FCRL5: variants seen among roughly 807,000 people sequenced by gnomAD.
FCRL5 encodes Fc receptor-like protein 5.
FCRL5 carries 79 observed loss-of-function variants against 92.1 expected under a neutral mutation model. The ratio of observed to expected loss-of-function variants is 0.86; its 90% CI spans 0.72 to 1.03. The LOEUF is 1.03. Ranked by LOEUF, FCRL5 falls within the 50% of genes least tolerant of loss-of-function variation. The pLI, the probability that FCRL5 is intolerant of heterozygous loss-of-function variation, is 0.00. For synonymous variants in FCRL5, 466 were observed against 469.3 expected (o/e 0.99, Z 0.09); for missense variants, 1,160 against 1,181.1 (o/e 0.98, Z 0.26).
intron 10 of FCRL5, 119 bp downstream of exon 10, chr1:157,524,160 G>T: frequency 9.6e-7 from 1 of 1,044,370 alleles, no homozygotes; most frequent in Non-Finnish European, 1.4e-6. Context: ...GGCAGGAAGT[G>T]TGCTGGGATG....
At chr1:157,548,191 C>A (rs1260840522) in intron 2 of FCRL5, among the ~76,000 whole-genome samples, 1 of 152,250 alleles carries the variant, frequency 6.6e-6, no homozygotes, top group African/African-American at 2.4e-5. Flanking sequence ...GCATTCACCC[C>A]TTCCCCCAGG....
chr1:157,543,761 A>G (rs1354405261), intron 5 of FCRL5, among the ~76,000 whole-genome samples: 1 of 152,222 alleles, frequency 6.6e-6, no homozygotes, highest in African/African-American at 2.4e-5. Flanking sequence ...GAGGTGATGT[A>G]ATCTGGGGTG....
intron 11 of FCRL5, 83 bp from the exon 12 acceptor site, chr1:157,520,630 G>T: frequency 9.4e-7 from 1 of 1,066,616 alleles, no homozygotes; most frequent in Non-Finnish European, 1.4e-6. Context: ...GCCTGGGCCT[G>T]ACGGTGAACC....
chr1:157,515,618 C>A lies in FCRL5; in HGVS notation c.*57G>T. Reference sequence around the variant, plus strand: ...CTTCCCACTTCAATGCTGCTTCTCCCCCAAGGGGAACTTTGGGGTGCAGAG... The same window carrying A: ...CTTCCCACTTCAATGCTGCTTCTCCACCAAGGGGAACTTTGGGGTGCAGAG... On this transcript the variant is annotated 3_prime_UTR_variant, in exon 17 of 17. Transcript: ENST00000361835. The A allele has an allele frequency of 6.2e-7, 1 of 1,613,982 alleles. No individual in the cohort carries two copies. The highest frequency in any genetic ancestry group is 8.5e-7 in the Non-Finnish European group (1 of 1,180,028).
rs184843471 is a variant in FCRL5 at position 157,545,860 on chromosome 1, G to A, written c.308-778C>T. ...CTTTTTCTAAACCATGTTAAGGTCT[G>A]CCATTTTCAGGGATGGACATCTGTG... On this transcript the variant is annotated intron_variant, in intron 3 of 16. Coordinates refer to ENST00000361835, the MANE Select transcript of FCRL5 (RefSeq NM_031281.3). Among the ~76,000 whole-genome samples the A allele has an allele frequency of 1.0e-3, 158 of 152,254 alleles. 1 individual carries two copies. Among genetic ancestry groups the A allele is most frequent in the African/African-American group, 3.8e-3 (156 of 41,546 alleles).
chr1:157,548,988 A>G (rs1162525911), intron 2 of FCRL5, among the ~76,000 whole-genome samples: 1 of 152,120 alleles, frequency 6.6e-6, no homozygotes, highest in East Asian at 1.9e-4. Flanking sequence ...ATGCACACGT[A>G]TGTTTACTGC....
At position 157,520,506 on chromosome 1, in the gene FCRL5, C is replaced by T. The variant is rs1051334871; in HGVS notation, c.2557G>A (p.Ala853Thr). Residue 853 changes from alanine to threonine, a missense_variant, in exon 12 of 17, where the codon GCC becomes ACC. Ala to Thr is a moderately conservative substitution (Grantham distance 58, BLOSUM62 0). Coordinates refer to ENST00000361835, the MANE Select transcript of FCRL5 (RefSeq NM_031281.3). Reference protein sequence around the residue: ...NRSGPFATGVAGGLLSIAGLA... With the variant: ...NRSGPFATGVTGGLLSIAGLA... ...CCTGCTATGCTGAGCAGGCCCCCGG[C>T]GACTCCTGTGGCAAAAGGGCCACTT... 4.4e-6 allele frequency: 7 copies of T among 1,576,130 alleles called. No homozygotes were observed. Among genetic ancestry groups the T allele is most frequent in the African/African-American group, 1.4e-5 (1 of 73,948 alleles).
At position 157,539,168 on chromosome 1, in the gene FCRL5, T is replaced by G; in HGVS notation, c.1320A>C (p.Ala440=). Residue 440 remains alanine, a synonymous_variant, in exon 7 of 17, where the codon GCA becomes GCC. Coordinates refer to ENST00000361835, the MANE Select transcript of FCRL5 (RefSeq NM_031281.3). The part of the protein sequence containing the change: ...GGVAISFSLT[A]EHSGNYYCTA... The stretch of plus-strand genomic sequence containing the variant: ...TGCAGTAGTAGTTCCCTGAATGCTC[T>G]GCAGTCAGAGAGAAGCTGATGGCCA... 1 of 1,614,194 alleles carries G rather than the reference T, an allele frequency of 6.2e-7. No individual in the cohort carries two copies. Among genetic ancestry groups the G allele is most frequent in the Non-Finnish European group, 8.5e-7 (1 of 1,180,014 alleles).
rs903571175 is a variant in FCRL5 at position 157,514,229 on chromosome 1, A to G, written c.*1446T>C. ...TACAATCCACTGGGAGCAAAGATCA[A>G]GATAAGATGTGATGGATATCATAAA... On this transcript the variant is annotated 3_prime_UTR_variant, in exon 17 of 17. Transcript: ENST00000361835. 9.9e-5 allele frequency: 15 copies of G among 152,248 alleles called. No individual in the cohort carries two copies. The highest frequency in any genetic ancestry group is 3.6e-4 in the African/African-American group (15 of 41,468). 9.4% of individuals were successfully genotyped at this position (152,248 alleles called of 1,614,324 possible).
intron 6 of FCRL5, among the ~76,000 whole-genome samples, chr1:157,541,209 C>A (rs749872446): frequency 1.3e-5 from 2 of 152,178 alleles, no homozygotes; most frequent in Non-Finnish European, 2.9e-5. Context: ...CGGAGTCCTT[C>A]CTTCTCAAGT....
At chr1:157,531,610 T>C (rs1056857037) in intron 8 of FCRL5, among the ~76,000 whole-genome samples, 1 of 152,160 alleles carries the variant, frequency 6.6e-6, no homozygotes, top group South Asian at 2.1e-4. Context: ...AAATGTGGAA[T>C]ATATGCACAA....
At chr1:157,519,422 G>C (rs1233974729) in intron 13 of FCRL5, among the ~76,000 whole-genome samples, 1 of 152,204 alleles carries the variant, frequency 6.6e-6, no homozygotes, top group South Asian at 2.1e-4. Flanking sequence ...CTGAGCTAAG[G>C]TCATCTCAAG....
At chr1:157,517,378 T>C (rs1649976640) in intron 15 of FCRL5, among the ~76,000 whole-genome samples, 1 of 152,222 alleles carries the variant, frequency 6.6e-6, no homozygotes, top group Non-Finnish European at 1.5e-5. Context: ...CCTGTGACTA[T>C]ATTACCCTAA....
At chr1:157,534,568 G>C in intron 8 of FCRL5, 46 bp downstream of exon 8, 1 of 1,611,504 alleles carries the variant, frequency 6.2e-7, no homozygotes. Context: ...ATGGGTGAGA[G>C]AGAACTCAGC....
chr1:157,537,463 G>A (rs752871632), intron 7 of FCRL5, among the ~76,000 whole-genome samples: 1 of 152,158 alleles, frequency 6.6e-6, no homozygotes, highest in Non-Finnish European at 1.5e-5. Flanking sequence ...CTGATAAGAT[G>A]TTATCAATGA....
chr1:157,521,395 A>G (rs954414907), intron 10 of FCRL5, 103 bp from the exon 11 acceptor site: 1 of 1,337,558 alleles, frequency 7.5e-7, no homozygotes, highest in Non-Finnish European at 1.0e-6. Context: ...TCAATCTTGG[A>G]AAGTAGATTA....
At position 157,527,620 on chromosome 1, in the gene FCRL5, T is replaced by A. The variant is rs1450407075; in HGVS notation, c.1957A>T (p.Ile653Leu). ...QHSDTISLSV[I>L]VPVSRPILTF... ...GCTGCTGGTTAGGTCAACTTACCTA[T>A]AACACTGAGTGATATTGTGTCACTG... is the stretch of plus-strand genomic sequence containing the variant. Residue 653 changes from isoleucine to leucine, a missense_variant, in exon 9 of 17, where the codon ATA (isoleucine) becomes TTA (leucine). Ile to Leu is a conservative substitution (Grantham distance 5). Coordinates refer to ENST00000361835, the MANE Select transcript of FCRL5 (RefSeq NM_031281.3). 8.7e-6 allele frequency: 14 copies of A among 1,602,168 alleles called. No homozygotes were observed. Among genetic ancestry groups the A allele is most frequent in the Non-Finnish European group, 1.1e-5 (13 of 1,174,164 alleles).
intron 2 of FCRL5, 132 bp from the exon 3 acceptor site, chr1:157,547,329 G>T (rs915963544): frequency 1.7e-6 from 2 of 1,202,554 alleles, no homozygotes; most frequent in African/African-American, 1.5e-5. Context: ...GTCACTGATA[G>T]CTCAAAGCTC....
At chr1:157,542,801 C>G in intron 6 of FCRL5, 58 bp downstream of exon 6, 1 of 1,564,718 alleles carries the variant, frequency 6.4e-7, no homozygotes, top group Admixed American at 1.8e-5. Flanking sequence ...TTCCGAAGGG[C>G]AGGGTGAGGC....
Sources: allele counts gnomAD v4.1 joint callset (sites outside exome capture counted in the v4.1 genomes callset), GRCh38; gene constraint gnomAD v4.1.1; transcripts MANE v1.5; gene names NCBI Gene and HGNC (gene_info 2026-07-23, HGNC 2026-07-21).